Variants in AUTS2 observed in about 807,000 individuals in gnomAD.
AUTS2 encodes the protein activator of transcription and developmental regulator AUTS2, also known as autism susceptibility gene 2 protein.
Under a neutral mutation model 112.4 loss-of-function variants are expected in AUTS2, and 17 were observed. That is an observed-to-expected ratio of 0.15 (90% CI 0.10 to 0.23). The LOEUF (loss-of-function observed/expected upper bound fraction) is 0.23, where lower values mean the gene tolerates loss of function less well. AUTS2 is among the 10% of genes least tolerant of loss of function. The pLI is 1.00. For missense variants in AUTS2, 1,510 were observed against 1,701.6 expected, an observed-to-expected ratio of 0.89 and a Z score of 1.98; for synonymous variants, 751 against 702.7, an observed-to-expected ratio of 1.07 and a Z score of -1.09.
chr7:70,347,709 G>A (rs1191675302), intron 4 of AUTS2, among the ~76,000 whole-genome samples: 3 of 152,144 alleles, frequency 2.0e-5, no homozygotes, highest in Admixed American at 6.5e-5. Flanking sequence ...GTAGGGGTTA[G>A]CTTGTCAGAA....
chr7:70,593,351 T>C (rs1038936205), intron 5 of AUTS2, among the ~76,000 whole-genome samples: 1 of 152,190 alleles, frequency 6.6e-6, no homozygotes, highest in Non-Finnish European at 1.5e-5. Context: ...TTTTAATAAA[T>C]GAGAACATAA....
intron 6 of AUTS2, among the ~76,000 whole-genome samples, chr7:70,709,672 A>G (rs1356291903): frequency 6.6e-6 from 1 of 152,196 alleles, no homozygotes; most frequent in Admixed American, 6.5e-5. Flanking sequence ...GATAGGCGCT[A>G]CCACACTCCA....
At chr7:69,603,270 G>A (rs1340526879) in intron 1 of AUTS2, among the ~76,000 whole-genome samples, 1 of 152,162 alleles carries the variant, frequency 6.6e-6, no homozygotes, top group Non-Finnish European at 1.5e-5. Context: ...TGTGTTAATG[G>A]ACACATTATT....
At chr7:70,227,980 T>C (rs1270529867) in intron 4 of AUTS2, among the ~76,000 whole-genome samples, 2 of 152,066 alleles carry the variant, frequency 1.3e-5, no homozygotes, top group African/African-American at 2.4e-5. Context: ...GTTGGTTTTC[T>C]ATCTAGGTGT....
intron 1 of AUTS2, among the ~76,000 whole-genome samples, chr7:69,675,276 C>G (rs1277940053): frequency 6.6e-6 from 1 of 152,130 alleles, no homozygotes; most frequent in Non-Finnish European, 1.5e-5. Flanking sequence ...TTTAGACGTA[C>G]ATGAAACTTG....
At chr7:70,194,903 G>A (rs1810093723) in intron 4 of AUTS2, 1 of 152,164 alleles carries the variant, frequency 6.6e-6, no homozygotes, top group Admixed American at 6.5e-5. Context: ...TATAAGAGGT[G>A]TTATCTCAGA....
At chr7:69,964,039 G>GA (rs1402545485) in intron 2 of AUTS2, among the ~76,000 whole-genome samples, 1 of 152,138 alleles carries the variant, frequency 6.6e-6, no homozygotes, top group East Asian at 1.9e-4. Flanking sequence ...ATATTTGGGA[G>GA]AAAAAATGAA....
chr7:70,396,529 A>G (rs956988278), intron 4 of AUTS2, among the ~76,000 whole-genome samples: 1 of 152,088 alleles, frequency 6.6e-6, no homozygotes, highest in African/African-American at 2.4e-5. Context: ...GGTGTATACC[A>G]CCACACCCGG....
At chr7:69,904,823 A>G (rs183376441) in intron 2 of AUTS2, among the ~76,000 whole-genome samples, 1 of 152,360 alleles carries the variant, frequency 6.6e-6, no homozygotes, top group East Asian at 1.9e-4. Context: ...TATAGAAATA[A>G]GAAAAACTGT....
chr7:70,581,150 A>G (rs551210397), intron 5 of AUTS2, among the ~76,000 whole-genome samples: 9 of 152,280 alleles, frequency 5.9e-5, no homozygotes, highest in Non-Finnish European at 1.3e-4. Context: ...TGGGAGGCCG[A>G]GGCGGGCAGA....
intron 4 of AUTS2, among the ~76,000 whole-genome samples, chr7:70,417,477 G>A (rs1795035776): frequency 6.6e-6 from 1 of 152,182 alleles, no homozygotes; most frequent in African/African-American, 2.4e-5. Flanking sequence ...AGGGGAGAGA[G>A]AGACTTGGAG....
intron 1 of AUTS2, among the ~76,000 whole-genome samples, chr7:69,784,284 A>G (rs1028167709): frequency 5.3e-5 from 8 of 152,208 alleles, no homozygotes; most frequent in Non-Finnish European, 8.8e-5. Flanking sequence ...ACTTGGAATA[A>G]TCTAAAATCC....
intron 2 of AUTS2, among the ~76,000 whole-genome samples, chr7:69,920,667 A>G (rs1385552085): frequency 6.6e-6 from 1 of 152,126 alleles, no homozygotes; most frequent in Non-Finnish European, 1.5e-5. Flanking sequence ...CCTATACCCT[A>G]TTTATGTAGA....
intron 4 of AUTS2, among the ~76,000 whole-genome samples, chr7:70,389,590 T>G (rs1793759550): frequency 6.6e-6 from 1 of 152,158 alleles, no homozygotes; most frequent in Non-Finnish European, 1.5e-5. Flanking sequence ...AAATGGAAAT[T>G]ATGATATTTC....
At chr7:70,684,493 A>G (rs557421731) in intron 5 of AUTS2, among the ~76,000 whole-genome samples, 1 of 152,090 alleles carries the variant, frequency 6.6e-6, no homozygotes, top group Admixed American at 6.5e-5. Flanking sequence ...TTTACCCAGC[A>G]GTGGGGATAG....
chr7:69,936,283 C>T (rs1796406243), intron 2 of AUTS2, among the ~76,000 whole-genome samples: 1 of 152,152 alleles, frequency 6.6e-6, no homozygotes, highest in Admixed American at 6.5e-5. Flanking sequence ...CTGTATTGGT[C>T]AGTCTGCCTG....
chr7:70,671,843 C>G (rs886468625), intron 5 of AUTS2, among the ~76,000 whole-genome samples: 13 of 152,158 alleles, frequency 8.5e-5, no homozygotes, highest in Admixed American at 4.6e-4. Context: ...TGGGCCTGGC[C>G]TGTTTGCAAC....
chr7:69,649,099 G>A (rs1004217015), intron 1 of AUTS2, among the ~76,000 whole-genome samples: 1 of 152,106 alleles, frequency 6.6e-6, no homozygotes, highest in African/African-American at 2.4e-5. Context: ...GCGGAGCTGT[G>A]GATTAATGTC....
chr7:70,436,720 A>G (rs17141606), intron 5 of AUTS2: 40,910 of 152,156 alleles, frequency 0.27, 6,250 homozygotes, highest in African/African-American at 0.42. Context: ...AGAATGCTGC[A>G]GTTAGTATTT....
Sources: gnomAD v4.1 joint callset for allele counts (sites outside exome capture counted in the v4.1 genomes callset) on GRCh38, gnomAD v4.1.1 for gene constraint, MANE v1.5 for transcripts, NCBI Gene and HGNC (gene_info 2026-07-23, HGNC 2026-07-21) for gene names.